Variants in RASA2 observed in about 807,000 individuals in gnomAD.
The protein encoded by RASA2 is RAS p21 protein activator 2, also known as ras GTPase-activating protein 2.
RASA2 carries 155 observed loss-of-function variants against 118.2 expected under a neutral mutation model. The ratio of observed to expected loss-of-function variants is 1.31; its 90% CI spans 1.15 to 1.50. The LOEUF (loss-of-function observed/expected upper bound fraction) is 1.50, where lower values mean the gene tolerates loss of function less well. Ranked by LOEUF, RASA2 falls within the 40% of genes most tolerant of loss-of-function variation. The probability of loss-of-function intolerance (pLI) is 0.00; values close to 1 mark genes in which losing one functional copy is unlikely to be tolerated. For missense variants in RASA2, 1,016 were observed against 1,009.6 expected, an observed-to-expected ratio of 1.01 and a Z score of -0.09; for synonymous variants, 353 against 349.1, an observed-to-expected ratio of 1.01 and a Z score of -0.12.
At chr3:141,498,008 T>C (rs936756673) in intron 1 of RASA2, among the ~76,000 whole-genome samples, 23 of 152,156 alleles carry the variant, frequency 1.5e-4, no homozygotes, top group Non-Finnish European at 2.8e-4. Flanking sequence ...GGTCTGAAAA[T>C]TTTGGATCCT....
chr3:141,515,272 A>T (rs1211930528), intron 2 of RASA2, among the ~76,000 whole-genome samples: 1 of 152,216 alleles, frequency 6.6e-6, no homozygotes. Flanking sequence ...ATTTTGAAGT[A>T]GCCTTTCACA....
At chr3:141,542,402 A>G (rs1262039657) in intron 5 of RASA2, among the ~76,000 whole-genome samples, 1 of 152,184 alleles carries the variant, frequency 6.6e-6, no homozygotes, top group Non-Finnish European at 1.5e-5. Flanking sequence ...TTTGGTAGAT[A>G]CTGTTATCCT....
intron 5 of RASA2, 101 bp from the exon 6 acceptor site, chr3:141,553,756 C>T (rs1422807877): frequency 9.4e-6 from 14 of 1,494,780 alleles, no homozygotes; most frequent in Non-Finnish European, 1.2e-5. Flanking sequence ...ACATGGAAAA[C>T]AATTCTTAAC....
intron 19 of RASA2, among the ~76,000 whole-genome samples, chr3:141,602,863 CTG>C (rs1412845205): frequency 1.3e-5 from 2 of 152,192 alleles, no homozygotes; most frequent in African/African-American, 4.8e-5. Context: ...TTGCCAGACT[CTG>C]GGATATTCCA....
chr3:141,549,514 T>TG (rs1553790657), intron 5 of RASA2, among the ~76,000 whole-genome samples: 1 of 151,382 alleles, frequency 6.6e-6, no homozygotes, highest in African/African-American at 2.4e-5. Context: ...TGTGTGTGTG[T>TG]TTGCAATTCT....
At chr3:141,523,484 A>T (rs187362915) in intron 3 of RASA2, among the ~76,000 whole-genome samples, 2 of 152,200 alleles carry the variant, frequency 1.3e-5, no homozygotes, top group African/African-American at 4.8e-5. Context: ...AATTCGGGGC[A>T]TAATTGTTTA....
Position 141,577,072 on chromosome 3 carries a change from C to A in RASA2, c.1556C>A (p.Ser519Ter). 6.2e-7 allele frequency: 1 copy of A among 1,609,488 alleles called. No homozygotes were observed. The highest frequency in any genetic ancestry group is 8.5e-7 in the Non-Finnish European group (1 of 1,176,876). Reference protein sequence around the residue: ...FLRFFAVAVVSPHTFHLRPHH... With the variant: ...FLRFFAVAVV ...CGTTTCTTTGCTGTAGCCGTAGTAT[C>A]ACCTCATACTTTTCATTTGCGACCT... The change falls in exon 15 of 24, where the codon TCA becomes TAA. Residue 519 changes from serine to a stop codon, truncating the protein, a stop_gained. Transcript: ENST00000286364. LOFTEE classifies it high-confidence loss of function.
At chr3:141,572,887 C>T (rs955689413) in intron 12 of RASA2, among the ~76,000 whole-genome samples, 164 bp downstream of exon 12, 2 of 152,144 alleles carry the variant, frequency 1.3e-5, no homozygotes, top group Non-Finnish European at 2.9e-5. Flanking sequence ...TGGATTTTTA[C>T]TCAAAAGGTA....
chr3:141,487,194 G>T lies in RASA2; in HGVS notation c.111G>T (p.Leu37Phe). Residue 37 changes from leucine to phenylalanine, a missense_variant, in exon 1 of 24, where the codon TTG (leucine) becomes TTT (phenylalanine). Leu to Phe is a conservative substitution (Grantham distance 22, BLOSUM62 0). This residue lies in a region of RASA2 where 896 missense variants were observed against 836.4 expected (regional missense o/e 1.07). Transcript: ENST00000286364. ...AGGACAGTCGCGAGGTTCGAGTGTT[G>T]CAGAGCCTGCGGGGCAAGATCTGTA... ...GDQDSREVRVLQSLRGKICEA... is the reference protein window; with the variant it reads ...GDQDSREVRVFQSLRGKICEA... The T allele has an allele frequency of 6.9e-7, 1 of 1,453,242 alleles. No individual in the cohort carries two copies. The highest frequency in any genetic ancestry group is 9.2e-7 in the Non-Finnish European group (1 of 1,092,148). The allele number at this position is 1,453,242 out of a possible 1,614,324, so 90.0% of individuals were successfully genotyped here.
intron 19 of RASA2, among the ~76,000 whole-genome samples, chr3:141,593,781 G>C (rs1478735179): frequency 6.6e-6 from 1 of 152,110 alleles, no homozygotes; most frequent in Non-Finnish European, 1.5e-5. Context: ...AATAAACAAA[G>C]TATAGTATAA....
chr3:141,549,837 A>C (rs967988204), intron 5 of RASA2, among the ~76,000 whole-genome samples: 3 of 152,150 alleles, frequency 2.0e-5, no homozygotes, highest in Non-Finnish European at 4.4e-5. Context: ...AAAGTAAGAA[A>C]GTGCTAAAAA....
rs929417260 is a variant in RASA2 at position 141,615,040 on chromosome 3, G to A, written c.*2727G>A. On this transcript the variant is annotated 3_prime_UTR_variant, in exon 24 of 24. Coordinates refer to ENST00000286364, the MANE Select transcript of RASA2 (RefSeq NM_006506.5). ...CAGAATTCTGCATAGCCTTTTAGGT[G>A]TTTTTACAGTATGTGAAAAATACAA... 2 of 152,084 alleles carry A rather than the reference G, an allele frequency of 1.3e-5. No homozygotes were observed. The highest frequency in any genetic ancestry group is 4.8e-5 in the African/African-American group (2 of 41,400). 9.4% of individuals were successfully genotyped at this position (152,084 alleles called of 1,614,324 possible).
chr3:141,593,042 A>G, intron 19 of RASA2, among the ~76,000 whole-genome samples: 1 of 152,130 alleles, frequency 6.6e-6, no homozygotes, highest in East Asian at 1.9e-4. Context: ...GAAAGGAACC[A>G]TGCTGGCTAA....
chr3:141,504,755 T>C (rs2081838442), intron 1 of RASA2, among the ~76,000 whole-genome samples: 1 of 152,172 alleles, frequency 6.6e-6, no homozygotes, highest in Admixed American at 6.5e-5. Context: ...AAAAAAAGCC[T>C]AAGACTTTCC....
chr3:141,553,358 A>C (rs1374871222), intron 5 of RASA2, among the ~76,000 whole-genome samples: 1 of 152,192 alleles, frequency 6.6e-6, no homozygotes, highest in African/African-American at 2.4e-5. Context: ...ATTTAGCAGA[A>C]GGAAATGTGT....
chr3:141,550,761 G>A (rs997063352), intron 5 of RASA2, among the ~76,000 whole-genome samples: 4 of 152,186 alleles, frequency 2.6e-5, no homozygotes, highest in African/African-American at 9.7e-5. Context: ...GGAGGCTGAG[G>A]CAGGAGAATG....
chr3:141,564,777 G>A (rs1050978998), intron 9 of RASA2, among the ~76,000 whole-genome samples: 4 of 152,280 alleles, frequency 2.6e-5, no homozygotes, highest in African/African-American at 9.6e-5. Flanking sequence ...CATGGGGGTG[G>A]TGGTAAGAAA....
chr3:141,612,114 G>T lies in RASA2; in HGVS notation c.2520-169G>T, dbSNP rs77175493. ...CTTTATCTTTAAGTTCTACACTAGG[G>T]TCTAAGATTGAATAGGTGGTCAGTA... is the stretch of plus-strand genomic sequence containing the variant. On this transcript the variant is annotated intron_variant, in intron 23 of 23. Transcript: ENST00000286364. Among the ~76,000 whole-genome samples the T allele has an allele frequency of 0.014, 2,137 of 152,188 alleles. 63 individuals carry two copies. The highest frequency in any genetic ancestry group is 0.049 in the African/African-American group (2,017 of 41,494).
intron 1 of RASA2, among the ~76,000 whole-genome samples, chr3:141,506,141 C>G (rs1347706002): frequency 6.6e-6 from 1 of 152,108 alleles, no homozygotes; most frequent in Non-Finnish European, 1.5e-5. Flanking sequence ...TTAAGGAGTA[C>G]CAGTTATGAA....
Sources: allele counts gnomAD v4.1 joint callset (sites outside exome capture counted in the v4.1 genomes callset), GRCh38; gene constraint gnomAD v4.1.1; regional missense constraint gnomAD v4.1.1; transcripts MANE v1.5; gene names NCBI Gene and HGNC (gene_info 2026-07-23, HGNC 2026-07-21).